HAUS8: variants seen among roughly 807,000 people sequenced by gnomAD.
The protein encoded by HAUS8 is HAUS augmin-like complex subunit 8.
Under a neutral mutation model 42.9 loss-of-function variants are expected in HAUS8, and 38 were observed. The ratio of observed to expected loss-of-function variants is 0.89; its 90% CI spans 0.68 to 1.16. The LOEUF is 1.16. Among genes scored for constraint, HAUS8 ranks in the 50% most tolerant of loss-of-function variants. The pLI is 0.00. For synonymous variants in HAUS8, 199 were observed against 205.8 expected, an observed-to-expected ratio of 0.97 and a Z score of 0.28; for missense variants, 494 against 511.6, an observed-to-expected ratio of 0.97 and a Z score of 0.33.
At chr19:17,072,711 C>T (rs540066162) in intron 2 of HAUS8, among the ~76,000 whole-genome samples, 1 of 151,640 alleles carries the variant, frequency 6.6e-6, no homozygotes, top group African/African-American at 2.4e-5. Flanking sequence ...TGCAGTGGTG[C>T]GATCTTGGCT....
At chr19:17,055,780 T>G in intron 9 of HAUS8, 81 bp downstream of exon 9, 4 of 1,439,676 alleles carry the variant, frequency 2.8e-6, no homozygotes, top group South Asian at 1.3e-5. Context: ...CTTGCGGTGA[T>G]GACATCAGGC....
At chr19:17,050,236 T>C (rs2123354657) in intron 10 of HAUS8, 60 bp from the exon 11 acceptor site, 1 of 1,336,676 alleles carries the variant, frequency 7.5e-7, no homozygotes, top group Non-Finnish European at 9.8e-7. Context: ...CGCATGTGTG[T>C]GGTGAACGGA....
chr19:17,068,182 T>G (rs891592774), intron 3 of HAUS8, among the ~76,000 whole-genome samples: 7 of 150,540 alleles, frequency 4.6e-5, no homozygotes, highest in Admixed American at 1.3e-4. Flanking sequence ...GGTTCAATCT[T>G]GGCTCACTGC....
chr19:17,070,861 G>A (rs1156620992), intron 2 of HAUS8, among the ~76,000 whole-genome samples: 2 of 152,342 alleles, frequency 1.3e-5, no homozygotes, highest in African/African-American at 2.4e-5. Context: ...CCTGAGGTCA[G>A]GAGTTCGCGA....
chr19:17,075,188 G>C (rs1315860328), intron 1 of HAUS8: 1 of 565,212 alleles, frequency 1.8e-6, no homozygotes, highest in Non-Finnish European at 3.1e-6. Flanking sequence ...TCCCAGCCGA[G>C]GACGCGGAAC....
At chr19:17,066,051 G>T (rs974520168) in intron 3 of HAUS8, among the ~76,000 whole-genome samples, 1 of 151,552 alleles carries the variant, frequency 6.6e-6, no homozygotes, top group Non-Finnish European at 1.5e-5. Context: ...AACCTCCTTG[G>T]CTCAAATGAT....
intron 6 of HAUS8, 118 bp from the exon 7 acceptor site, chr19:17,058,994 GT>G: frequency 1.3e-6 from 1 of 787,950 alleles, no homozygotes; most frequent in East Asian, 2.7e-5. Flanking sequence ...TTGATATTCG[GT>G]AGTTCTCTAC....
At chr19:17,061,958 G>A (rs1280984369) in intron 4 of HAUS8, among the ~76,000 whole-genome samples, 1 of 151,788 alleles carries the variant, frequency 6.6e-6, no homozygotes, top group African/African-American at 2.4e-5. Context: ...GGCATAGCGC[G>A]AATTCTCACA....
At chr19:17,070,097 C>T (rs141836114) in intron 2 of HAUS8, among the ~76,000 whole-genome samples, 58 of 152,180 alleles carry the variant, frequency 3.8e-4, no homozygotes, top group Admixed American at 5.9e-4. Flanking sequence ...TGCCTCCCCC[C>T]ATTTCTCCCA....
Position 17,060,031 on chromosome 19 carries a change from T to C in HAUS8, c.291A>G (p.Thr97=), listed in dbSNP as rs776034655. 2 of 1,613,364 alleles carry C rather than the reference T, an allele frequency of 1.2e-6. No homozygotes were observed. Among genetic ancestry groups the C allele is most frequent in the African/African-American group, 2.7e-5 (2 of 74,862 alleles). Residue 97 remains threonine, a synonymous_variant, in exon 5 of 11, where the codon ACA becomes ACG. Transcript: ENST00000253669. ...LQSTLLEGHG[T]APPDLDLSAI... ...CAGAGAGATCCAGGTCAGGTGGAGC[T>C]GTGCCATGCCCTTCCAGCAACGTGG...
intron 4 of HAUS8, 71 bp downstream of exon 4, chr19:17,062,627 A>T: frequency 8.8e-7 from 1 of 1,139,582 alleles, no homozygotes; most frequent in Non-Finnish European, 1.3e-6. Context: ...AAGGAACTTT[A>T]ACTTAGCACC....
At chr19:17,068,408 A>T (rs2057400934) in intron 3 of HAUS8, among the ~76,000 whole-genome samples, 1 of 152,134 alleles carries the variant, frequency 6.6e-6, no homozygotes, top group Non-Finnish European at 1.5e-5. Context: ...CCAGACACCA[A>T]GAACTGTGTG....
chr19:17,069,625 T>A (rs1422800792), intron 2 of HAUS8, among the ~76,000 whole-genome samples: 18 of 151,478 alleles, frequency 1.2e-4, no homozygotes, highest in Admixed American at 7.9e-4. Context: ...CAGGTCCCCT[T>A]CCAGGGCTAC....
At chr19:17,072,954 A>AC (rs1196431471) in intron 2 of HAUS8, among the ~76,000 whole-genome samples, 2 of 151,536 alleles carry the variant, frequency 1.3e-5, no homozygotes, top group Non-Finnish European at 3.0e-5. Flanking sequence ...CAACTCAAAA[A>AC]AAAAAAAAAA....
intron 4 of HAUS8, among the ~76,000 whole-genome samples, chr19:17,061,993 T>C (rs1027664145): frequency 6.6e-6 from 1 of 152,178 alleles, no homozygotes; most frequent in Admixed American, 6.5e-5. Context: ...GAGTGGCAAA[T>C]TGTAGCTCAT....
At chr19:17,075,517 A>G, upstream of HAUS8, 1 of 1,401,290 alleles carries the variant, frequency 7.1e-7, no homozygotes. Context: ...GAGACGCAGG[A>G]GGGGTGGCTG....
At chr19:17,064,612 C>CG (rs1555797268) in intron 3 of HAUS8, among the ~76,000 whole-genome samples, 3 of 152,066 alleles carry the variant, frequency 2.0e-5, no homozygotes, top group Non-Finnish European at 4.4e-5. Flanking sequence ...GAGAATACAA[C>CG]GGGAAAAAGG....
intron 3 of HAUS8, among the ~76,000 whole-genome samples, chr19:17,068,745 C>CAG (rs937442414): frequency 1.3e-5 from 2 of 151,922 alleles, no homozygotes; most frequent in African/African-American, 4.8e-5. Flanking sequence ...GCCTGGGCAA[C>CAG]AGAGAGAGAC....
At chr19:17,053,073 C>A (rs766614362) in intron 9 of HAUS8, 107 bp from the exon 10 acceptor site, 57 of 1,369,250 alleles carry the variant, frequency 4.2e-5, no homozygotes, top group Non-Finnish European at 5.6e-5. Flanking sequence ...GGCTATCGCG[C>A]TGGAACCGTG....
Sources: gnomAD v4.1 joint callset for allele counts (sites outside exome capture counted in the v4.1 genomes callset) on GRCh38, gnomAD v4.1.1 for gene constraint, MANE v1.5 for transcripts, NCBI Gene and HGNC (gene_info 2026-07-23, HGNC 2026-07-21) for gene names.